The following FBXW4 variants were observed in gnomAD, a reference collection of about 807,000 sequenced individuals.
FBXW4 encodes F-box and WD repeat domain containing 4.
FBXW4 carries 40 observed loss-of-function variants against 61.8 expected under a neutral mutation model. The ratio of observed to expected loss-of-function variants is 0.65; its 90% CI spans 0.50 to 0.84. FBXW4 has a LOEUF of 0.84. Ranked by LOEUF, FBXW4 falls within the 40% of genes least tolerant of loss-of-function variation. The pLI is 0.00. For missense variants in FBXW4, 672 were observed against 753.8 expected, an observed-to-expected ratio of 0.89 and a Z score of 1.27; for synonymous variants, 311 against 313.8, an observed-to-expected ratio of 0.99 and a Z score of 0.10.
At chr10:101,643,518 A>G (rs6584435) in intron 5 of FBXW4, among the ~76,000 whole-genome samples, 151,750 of 152,372 alleles carry the variant, frequency 1, 75,569 homozygotes, top group Middle Eastern at 1. Context: ...CCGCAGGCAT[A>G]TGCACGCTTT....
At chr10:101,624,009 T>C (rs1307220252) in intron 6 of FBXW4, among the ~76,000 whole-genome samples, 1 of 152,036 alleles carries the variant, frequency 6.6e-6, no homozygotes, top group Non-Finnish European at 1.5e-5. Context: ...AACAAACAGT[T>C]CTGTACCTCA....
At chr10:101,692,746 C>CAAAAAAAAA (rs61631625) in intron 1 of FBXW4, among the ~76,000 whole-genome samples, 3 of 85,246 alleles carry the variant, frequency 3.5e-5, no homozygotes, top group African/African-American at 9.8e-5. Context: ...AACTCCGTCT[C>CAAAAAAAAA]AAAAAAAAAA....
chr10:101,620,539 C>T (rs996743257), intron 6 of FBXW4, among the ~76,000 whole-genome samples: 1 of 152,256 alleles, frequency 6.6e-6, no homozygotes, highest in South Asian at 2.1e-4. Context: ...CCAGGGCAAC[C>T]CTGCCACAAG....
chr10:101,630,630 G>C (rs1289127615), intron 5 of FBXW4, among the ~76,000 whole-genome samples: 1 of 152,206 alleles, frequency 6.6e-6, no homozygotes, highest in Non-Finnish European at 1.5e-5. Flanking sequence ...GGGAAGCCAG[G>C]AGCATAGCTG....
At chr10:101,621,799 A>C (rs2063868745) in intron 6 of FBXW4, among the ~76,000 whole-genome samples, 1 of 152,192 alleles carries the variant, frequency 6.6e-6, no homozygotes, top group Non-Finnish European at 1.5e-5. Flanking sequence ...TGTTAATGAG[A>C]AACAACTGAA....
intron 5 of FBXW4, among the ~76,000 whole-genome samples, chr10:101,652,576 CACA>C (rs2064154010): frequency 1.3e-5 from 2 of 151,360 alleles, no homozygotes; most frequent in Non-Finnish European, 2.9e-5. Context: ...CAATAGAAAA[CACA>C]ACAAGAGCCA....
At chr10:101,658,237 C>T (rs146124624) in intron 5 of FBXW4, among the ~76,000 whole-genome samples, 7 of 152,108 alleles carry the variant, frequency 4.6e-5, no homozygotes, top group African/African-American at 1.4e-4. Flanking sequence ...AGAGGGAGGC[C>T]TATTTAAAAA....
intron 6 of FBXW4, among the ~76,000 whole-genome samples, chr10:101,619,224 G>C (rs1235189713): frequency 6.6e-6 from 1 of 152,216 alleles, no homozygotes; most frequent in Non-Finnish European, 1.5e-5. Flanking sequence ...TTGGGAGTTA[G>C]GGAATGGGCT....
chr10:101,627,033 C>A (rs903856474), intron 5 of FBXW4: 1 of 151,216 alleles, frequency 6.6e-6, no homozygotes, highest in South Asian at 2.1e-4. Flanking sequence ...CACCTTCATA[C>A]CCTGTACAGG....
intron 6 of FBXW4, among the ~76,000 whole-genome samples, chr10:101,624,091 GACACACAC>G (rs35664019): frequency 6.8e-6 from 1 of 147,706 alleles, no homozygotes; most frequent in African/African-American, 2.5e-5. Context: ...GACACAGACA[GACACACAC>G]ACACACACAC....
intron 6 of FBXW4, among the ~76,000 whole-genome samples, chr10:101,619,472 G>C (rs1473161259): frequency 2.6e-5 from 4 of 151,988 alleles, no homozygotes; most frequent in African/African-American, 9.7e-5. Context: ...TCCTGGCTAA[G>C]ACGGTGTAAA....
At chr10:101,655,974 C>T (rs1388943561) in intron 5 of FBXW4, among the ~76,000 whole-genome samples, 1 of 152,218 alleles carries the variant, frequency 6.6e-6, no homozygotes, top group Non-Finnish European at 1.5e-5. Context: ...AAGGAACACT[C>T]ATGGTGGGGA....
At chr10:101,625,800 G>GC (rs1456443878) in intron 5 of FBXW4, 2 of 152,278 alleles carry the variant, frequency 1.3e-5, no homozygotes, top group African/African-American at 4.8e-5. Context: ...CCATGTCCCT[G>GC]CATGTCTTTC....
At chr10:101,673,454 G>C in intron 3 of FBXW4, 34 bp downstream of exon 3, 1 of 1,610,646 alleles carries the variant, frequency 6.2e-7, no homozygotes, top group Non-Finnish European at 8.5e-7. Context: ...GTATAAGATG[G>C]AAAAGGGTGG....
chr10:101,618,901 A>C (rs956891915), intron 6 of FBXW4, among the ~76,000 whole-genome samples: 1 of 151,968 alleles, frequency 6.6e-6, no homozygotes, highest in Non-Finnish European at 1.5e-5. Context: ...AGAAAAAAAA[A>C]ACCCACAGCA....
intron 5 of FBXW4, among the ~76,000 whole-genome samples, chr10:101,631,403 C>T (rs927276225): frequency 4.0e-5 from 6 of 151,706 alleles, no homozygotes; most frequent in African/African-American, 1.5e-4. Context: ...TTATGATATA[C>T]TATTATAAGA....
intron 1 of FBXW4, among the ~76,000 whole-genome samples, chr10:101,693,242 T>C (rs1434750601): frequency 6.6e-6 from 1 of 152,222 alleles, no homozygotes; most frequent in Non-Finnish European, 1.5e-5. Flanking sequence ...TAACCTTTGC[T>C]ATAATGCCAC....
At chr10:101,676,219 A>C in intron 2 of FBXW4, 122 bp downstream of exon 2, 1 of 606,092 alleles carries the variant, frequency 1.6e-6, no homozygotes, top group East Asian at 2.9e-5. Flanking sequence ...TGTTATTCAA[A>C]GGCTCACCAG....
intron 5 of FBXW4, among the ~76,000 whole-genome samples, chr10:101,657,581 C>T (rs2064198918): frequency 7.6e-6 from 1 of 132,314 alleles, no homozygotes; most frequent in Admixed American, 9.2e-5. Context: ...TTGCAGTGAG[C>T]TGAGATCATC....
Sources: gnomAD v4.1 joint callset for allele counts (sites outside exome capture counted in the v4.1 genomes callset) on GRCh38, gnomAD v4.1.1 for gene constraint, MANE v1.5 for transcripts, NCBI Gene and HGNC (gene_info 2026-07-23, HGNC 2026-07-21) for gene names.